Variants in GPR179 observed in about 807,000 individuals in gnomAD.
GPR179 encodes the protein probable G protein-coupled receptor 179.
GPR179 carries 52 observed loss-of-function variants against 70.8 expected under a neutral mutation model. The ratio of observed to expected loss-of-function variants is 0.73; its 90% confidence interval spans 0.59 to 0.93. GPR179 has a LOEUF of 0.93. GPR179 is among the 40% of genes least tolerant of loss of function. The pLI is 0.00. For missense variants in GPR179, 2,734 were observed against 2,966.8 expected, an observed-to-expected ratio of 0.92 and a Z score of 1.82; for synonymous variants, 1,123 against 1,169.0, an observed-to-expected ratio of 0.96 and a Z score of 0.80.
In GPR179 at chr17:38,326,555, C is replaced by T. The variant is rs184147344; in HGVS notation, c.7014G>A (p.Ser2338=). The change falls in exon 11 of 11, where the codon TCG becomes TCA. Residue 2338 remains serine, a synonymous_variant. Transcript: ENST00000616987. The part of the protein sequence containing the change: ...PSLQEAESQS[S]SLTEDSGQVA... ...CTTGGCCTGAGTCTTCAGTTAAGGACGAAGACTGAGACTCAGCTTCCTGGA... is the reference window on the plus strand; with the variant it reads ...CTTGGCCTGAGTCTTCAGTTAAGGATGAAGACTGAGACTCAGCTTCCTGGA... The T allele has an allele frequency of 1.6e-4, 259 of 1,614,164 alleles. No individual in the cohort carries two copies. In the African/African-American group the frequency reaches 2.4e-3, roughly 15 times the overall value.
chr17:38,325,888 G>C lies in GPR179; in HGVS notation c.*577C>G, dbSNP rs1285415230. On this transcript the variant is annotated 3_prime_UTR_variant, in exon 11 of 11. Coordinates refer to ENST00000616987, the MANE Select transcript of GPR179 (RefSeq NM_001004334.4). ...AAGTCAAAATGACAAGGTCCTTAAA[G>C]CATTTTCAGGCCCCTATTTTGAGTC... The C allele has an allele frequency of 3.3e-5, 5 of 152,386 alleles. No individual in the cohort carries two copies. Among genetic ancestry groups the C allele is most frequent in the African/African-American group, 7.2e-5 (3 of 41,448 alleles). The allele number at this position is 152,386 out of a possible 1,614,324, so 9.4% of individuals were successfully genotyped here.
In GPR179 at chr17:38,336,060, G is replaced by C. The variant is rs752721529; in HGVS notation, c.1296+16C>G. 6.2e-7 allele frequency: 1 copy of C among 1,602,524 alleles called. No homozygotes were observed. The highest frequency in any genetic ancestry group is 8.6e-7 in the Non-Finnish European group (1 of 1,169,468). Reference sequence around the variant, plus strand: ...GGATGCTGGAAGGTGGGGCCAGCCTGTGGCCACAGACTCACAGGAAAGTAA... The same window carrying C: ...GGATGCTGGAAGGTGGGGCCAGCCTCTGGCCACAGACTCACAGGAAAGTAA... On this transcript the variant is annotated intron_variant, in intron 5 of 10. Coordinates refer to ENST00000616987, the MANE Select transcript of GPR179 (RefSeq NM_001004334.4).
Position 38,327,652 on chromosome 17 carries a change from C to T in GPR179, c.5917G>A (p.Asp1973Asn), listed in dbSNP as rs1196659819. The T allele has an allele frequency of 6.2e-7, 1 of 1,614,100 alleles. No homozygotes were observed. Among genetic ancestry groups the T allele is most frequent in the African/African-American group, 1.3e-5 (1 of 74,928 alleles). The change falls in exon 11 of 11, where the codon GAC becomes AAC. Residue 1973 changes from aspartate to asparagine, a missense_variant. Asp to Asn is a conservative substitution (Grantham distance 23, BLOSUM62 1). Transcript: ENST00000616987. ...TTAGGTTGGTCAGGGCGCTGTCTGT[C>T]TAGGTGAGAGACGGAATCTGCTGGG... ...TAPADSVSHLDRQRPDQPKAS... is the reference protein window; with the variant it reads ...TAPADSVSHLNRQRPDQPKAS...
rs773594791 is a variant in GPR179, at chr17:38,329,151, A to C, written c.4418T>G (p.Ile1473Ser). 2.5e-6 allele frequency: 4 copies of C among 1,613,962 alleles called. No individual in the cohort carries two copies. In the South Asian group the frequency reaches 4.4e-5, roughly 18 times the overall value. Residue 1473 changes from isoleucine (I) to serine (S), a missense_variant, in exon 11 of 11, where the codon ATC (isoleucine) becomes AGC (serine). Transcript: ENST00000616987. ...CCAGGGACAGATCTCTGCTTTCTGGATAGCAGGAGCATCTCCTGCCTCCCA... is the reference window on the plus strand; with the variant it reads ...CCAGGGACAGATCTCTGCTTTCTGGCTAGCAGGAGCATCTCCTGCCTCCCA... Reference protein sequence around the residue: ...CLWEAGDAPAIQKAEICPWEL... With the variant: ...CLWEAGDAPASQKAEICPWEL...
In GPR179 at chr17:38,337,656, A is replaced by ATCTACACGACC; in HGVS notation, c.967_968insGGTCGTGTAGA (p.Phe323TrpfsTer14). On this transcript the variant is annotated frameshift_variant, in exon 3 of 11. Coordinates refer to ENST00000616987, the MANE Select transcript of GPR179 (RefSeq NM_001004334.4). LOFTEE classifies it high-confidence loss of function. ...ACCCCCAGAGGGGCTTGCCCCGTAGAATCCAGGTCGGCAGCGGCAGAGGTA... is the reference window on the plus strand; with the variant it reads ...ACCCCCAGAGGGGCTTGCCCCGTAGATCTACACGACCATCCAGGTCGGCAGCGGCAGAGGTA... 6.2e-7 allele frequency: 1 copy of ATCTACACGACC among 1,606,592 alleles called. No individual in the cohort carries two copies. Among genetic ancestry groups the ATCTACACGACC allele is most frequent in the Non-Finnish European group, 8.5e-7 (1 of 1,176,654 alleles).
At chr17:38,342,561 A>T (rs1057484789) in intron 1 of GPR179, among the ~76,000 whole-genome samples, 7 of 147,968 alleles carry the variant, frequency 4.7e-5, no homozygotes, top group African/African-American at 1.5e-4. Context: ...CTGGTCTTGA[A>T]CTCCTGACCT....
rs61706454 is a variant in GPR179 at position 38,343,912 on chromosome 17, G to C, written c.-123C>G. The C allele has an allele frequency of 0.18, 135,286 of 771,526 alleles. 14,765 individuals are homozygous for C. Among genetic ancestry groups the C allele is most frequent in the African/African-American group, 0.44 (25,031 of 56,720 alleles). The allele number at this position is 771,526 out of a possible 1,614,324, so 47.8% of individuals were successfully genotyped here. A position where few individuals can be genotyped will look rare whatever the true frequency, so the allele number is the denominator to read the frequency against. On this transcript the variant is annotated 5_prime_UTR_variant, in exon 1 of 11. Coordinates refer to ENST00000616987, the MANE Select transcript of GPR179 (RefSeq NM_001004334.4). This position sits in a 1 kb window ranked among gnomAD's most constrained non-coding sequence, Gnocchi z 4.2. ...GCTGGCGTTCCTTCTTCCTCTCTCC[G>C]TCTCCCTCTCACGCTGGTGCCAGCT...
rs150616884 is a variant in GPR179 at position 38,343,729 on chromosome 17, C to G, written c.61G>C (p.Val21Leu). 387 of 1,563,988 alleles carry G rather than the reference C, an allele frequency of 2.5e-4. 3 individuals carry two copies. In the African/African-American group the frequency reaches 4.6e-3, roughly 19 times the overall value. Residue 21 changes from valine (V) to leucine (L), a missense_variant, in exon 1 of 11, where the codon GTC becomes CTC. By Grantham distance (32) the Val-to-Leu change is conservative. Transcript: ENST00000616987. This position sits in a 1 kb window ranked among gnomAD's most constrained non-coding sequence, Gnocchi z 4.2. ...GGACCCCCCAGAGCCCAGGCACAGACAAAACAGCAGCCCAGCAGCCCCCAC... is the reference window on the plus strand; with the variant it reads ...GGACCCCCCAGAGCCCAGGCACAGAGAAAACAGCAGCCCAGCAGCCCCCAC... ...PMWGLLGCCFVCAWALGGPRP... is the reference protein window; with the variant it reads ...PMWGLLGCCFLCAWALGGPRP...
intron 2 of GPR179, among the ~76,000 whole-genome samples, chr17:38,339,091 A>C (rs887205497): frequency 6.6e-6 from 1 of 152,160 alleles, no homozygotes; most frequent in African/African-American, 2.4e-5. Flanking sequence ...AGGAAAGGAG[A>C]TAAGTAACTG....
In GPR179 at chr17:38,339,515, G is replaced by A. The variant is rs2037432624; in HGVS notation, c.805C>T (p.Gln269Ter). The A allele has an allele frequency of 6.2e-7, 1 of 1,613,342 alleles. No individual in the cohort carries two copies. Among genetic ancestry groups the A allele is most frequent in the Non-Finnish European group, 8.5e-7 (1 of 1,179,280 alleles). Residue 269 changes from glutamine to a stop codon, truncating the protein, a stop_gained, in exon 2 of 11, where the codon CAG (glutamine) becomes TAG (stop). Transcript: ENST00000616987. LOFTEE classifies it high-confidence loss of function. ...ACACTCTGGAGATCTACGTCCATCT[G>A]CACCTGCCCCCTACGGCAGTGAATT... is the stretch of plus-strand genomic sequence containing the variant. ...DLSPEVRGQV[Q>*]MDVDLQSVDI... is the part of the protein sequence containing the mutation.
In GPR179 at chr17:38,331,210, C is replaced by G; in HGVS notation, c.2359G>C (p.Asp787His). The change falls in exon 11 of 11, where the codon GAC becomes CAC. Residue 787 changes from aspartate to histidine, a missense_variant. Asp to His is a moderately conservative substitution (Grantham distance 81). Coordinates refer to ENST00000616987, the MANE Select transcript of GPR179 (RefSeq NM_001004334.4). ...QRREQDPPLL[D>H]SLLRRKLAKK... The stretch of plus-strand genomic sequence containing the variant: ...GCCAGCTTCCTCCTCAGCAGTGAGT[C>G]AAGAAGAGGCGGGTCCTGCTCCCTG... 6.2e-7 allele frequency: 1 copy of G among 1,606,264 alleles called. No homozygotes were observed. The highest frequency in any genetic ancestry group is 8.5e-7 in the Non-Finnish European group (1 of 1,177,542).
rs748103934 is a variant in GPR179, at chr17:38,327,148, C to T, written c.6421G>A (p.Glu2141Lys). Residue 2141 changes from glutamate to lysine, a missense_variant, in exon 11 of 11, where the codon GAG becomes AAG. Glu to Lys is a moderately conservative substitution (Grantham distance 56). Transcript: ENST00000616987. ...CPWEAGGGAA[E>K]EGEQERESQG... Reference sequence around the variant, plus strand: ...GATTCTCTTTCCTGTTCCCCTTCCTCTGCTGCTCCTCCACCCGCCTCCCAA... The same window carrying T: ...GATTCTCTTTCCTGTTCCCCTTCCTTTGCTGCTCCTCCACCCGCCTCCCAA... 5.0e-6 allele frequency: 8 copies of T among 1,614,142 alleles called. No homozygotes were observed. The Admixed American group carries it at 1.2e-4, about 24-fold the overall frequency.
Position 38,337,211 on chromosome 17 carries a change from A to C in GPR179, c.994T>G (p.Leu332Val). ...GFYGASPSGG[L>V]EESDFQTTGQ... ...GTAGTCTGGAAGTCACTCTCCTCTAACCCTATAAAGAACAAGATGAGTGCA... is the reference window on the plus strand; with the variant it reads ...GTAGTCTGGAAGTCACTCTCCTCTACCCCTATAAAGAACAAGATGAGTGCA... The change falls in exon 4 of 11, where the codon TTA becomes GTA. Residue 332 changes from leucine (L) to valine (V), a missense_variant and splice_region_variant. Coordinates refer to ENST00000616987, the MANE Select transcript of GPR179 (RefSeq NM_001004334.4). 6.2e-7 allele frequency: 1 copy of C among 1,609,026 alleles called. No individual in the cohort carries two copies. The highest frequency in any genetic ancestry group is 8.5e-7 in the Non-Finnish European group (1 of 1,178,164).
At position 38,326,327 on chromosome 17, in the gene GPR179, A is replaced by G; in HGVS notation, c.*138T>C. 3.2e-6 allele frequency: 2 copies of G among 634,472 alleles called. No homozygotes were observed. Among genetic ancestry groups the G allele is most frequent in the Non-Finnish European group, 5.5e-6 (2 of 365,992 alleles). 39.3% of individuals were successfully genotyped at this position (634,472 alleles called of 1,614,324 possible). A position where few individuals can be genotyped will look rare whatever the true frequency, so the allele number is the denominator to read the frequency against. On this transcript the variant is annotated 3_prime_UTR_variant, in exon 11 of 11. Coordinates refer to ENST00000616987, the MANE Select transcript of GPR179 (RefSeq NM_001004334.4). ...CCTTTTCATGCAGTTTGTCTTTGGG[A>G]TGGGTTGACTTCTGGTCTTCTCAAG... is the stretch of plus-strand genomic sequence containing the variant.
rs1327592175 is a variant in GPR179 at position 38,330,058 on chromosome 17, C to G, written c.3511G>C (p.Glu1171Gln). 5.0e-6 allele frequency: 8 copies of G among 1,614,216 alleles called. No individual in the cohort carries two copies. Among genetic ancestry groups the G allele is most frequent in the Non-Finnish European group, 6.8e-6 (8 of 1,180,022 alleles). ...TSRMLQVCQR[E>Q]GSREQEDRGR... ...CTGTCTTCTTGTTCCCTGCTGCCCTCCCGTTGACAGACTTGGAGCATCCTG... is the reference window on the plus strand; with the variant it reads ...CTGTCTTCTTGTTCCCTGCTGCCCTGCCGTTGACAGACTTGGAGCATCCTG... The change falls in exon 11 of 11, where the codon GAG (glutamate) becomes CAG (glutamine). Residue 1171 changes from glutamate (E) to glutamine (Q), a missense_variant. Glu to Gln is a conservative substitution (Grantham distance 29). Coordinates refer to ENST00000616987, the MANE Select transcript of GPR179 (RefSeq NM_001004334.4).
chr17:38,339,636 G>A, intron 1 of GPR179, 111 bp from the exon 2 acceptor site: 1 of 740,068 alleles, frequency 1.4e-6, no homozygotes, highest in Non-Finnish European at 2.4e-6. Flanking sequence ...TGGCACTTTG[G>A]CATGCTGAGG....
intron 1 of GPR179, 93 bp from the exon 2 acceptor site, chr17:38,339,618 C>CGGAATTATGGCACTTTGGCAGGG: frequency 1.2e-6 from 1 of 858,416 alleles, no homozygotes; most frequent in Non-Finnish European, 2.0e-6. Context: ...AAATGATGCT[C>CGGAATTATGGCACTTTGGCAGGG]GGAATTATGG....
At chr17:38,337,342 G>A in intron 3 of GPR179, 129 bp from the exon 4 acceptor site, 1 of 1,319,268 alleles carries the variant, frequency 7.6e-7, no homozygotes, top group Non-Finnish European at 1.0e-6. Context: ...GGGACAAGTG[G>A]GAATGGGTGC....
In GPR179 at chr17:38,328,981, G is replaced by C; in HGVS notation, c.4588C>G (p.Gln1530Glu). ...QTVKAVQKLS[Q>E]QQESVCPRES... Reference sequence around the variant, plus strand: ...CTGGGACAAACTGACTCCTGCTGTTGACTTAATTTCTGCACTGCTTTCACA... The same window carrying C: ...CTGGGACAAACTGACTCCTGCTGTTCACTTAATTTCTGCACTGCTTTCACA... The change falls in exon 11 of 11, where the codon CAA becomes GAA. Residue 1530 changes from glutamine (Q) to glutamate (E), a missense_variant. Coordinates refer to ENST00000616987, the MANE Select transcript of GPR179 (RefSeq NM_001004334.4). 1 of 1,614,126 alleles carries C rather than the reference G, an allele frequency of 6.2e-7. No individual in the cohort carries two copies. The highest frequency in any genetic ancestry group is 8.5e-7 in the Non-Finnish European group (1 of 1,180,010).
Sources: allele counts gnomAD v4.1 joint callset (sites outside exome capture counted in the v4.1 genomes callset), GRCh38; gene constraint gnomAD v4.1.1; non-coding constraint Gnocchi (gnomAD v3.1); transcripts MANE v1.5; gene names NCBI Gene and HGNC (gene_info 2026-07-23, HGNC 2026-07-21).